The following CSRNP3 variants were observed in gnomAD, a reference collection of about 807,000 sequenced individuals.
The protein encoded by CSRNP3 is cysteine/serine-rich nuclear protein 3.
CSRNP3 carries 12 observed loss-of-function variants against 48.0 expected under a neutral mutation model. The ratio of observed to expected loss-of-function variants is 0.25; its 90% confidence interval spans 0.16 to 0.41. The LOEUF is 0.41. CSRNP3 is among the 10% of genes least tolerant of loss of function. CSRNP3 has a pLI of 1.00. For missense variants in CSRNP3, 580 were observed against 724.4 expected, an observed-to-expected ratio of 0.80 and a Z score of 2.29; for synonymous variants, 263 against 269.7, an observed-to-expected ratio of 0.98 and a Z score of 0.24.
chr2:165,491,925 A>G (rs1684215550), intron 1 of CSRNP3, among the ~76,000 whole-genome samples: 1 of 144,958 alleles, frequency 6.9e-6, no homozygotes, highest in Non-Finnish European at 1.5e-5. Flanking sequence ...CAATGTACAC[A>G]TGTACCCTAA....
intron 4 of CSRNP3, among the ~76,000 whole-genome samples, chr2:165,652,155 A>T (rs1008181759): frequency 1.3e-5 from 2 of 152,150 alleles, no homozygotes; most frequent in South Asian, 4.1e-4. Context: ...TTGTATATAG[A>T]CACTTTTGCT....
At chr2:165,619,962 G>T (rs943537781) in intron 4 of CSRNP3, among the ~76,000 whole-genome samples, 2 of 152,078 alleles carry the variant, frequency 1.3e-5, no homozygotes, top group Non-Finnish European at 2.9e-5. Flanking sequence ...GAGACGAAGG[G>T]TCTAAATCTG....
At chr2:165,573,136 T>C (rs1685397636) in intron 3 of CSRNP3, among the ~76,000 whole-genome samples, 1 of 151,838 alleles carries the variant, frequency 6.6e-6, no homozygotes, top group South Asian at 2.1e-4. Context: ...TTTTATACTT[T>C]AGTAACACAT....
At chr2:165,557,077 T>G (rs531139575) in intron 3 of CSRNP3, among the ~76,000 whole-genome samples, 1 of 152,310 alleles carries the variant, frequency 6.6e-6, no homozygotes, top group African/African-American at 2.4e-5. Context: ...GTCAGCAAAC[T>G]ATGGCCTGTT....
In CSRNP3 at chr2:165,545,513, G is replaced by T. The variant is rs1685013085; in HGVS notation, c.-24+27552G>T. 3.9e-5 allele frequency among the ~76,000 whole-genome samples: 6 copies of T among 152,066 alleles called. No individual in the cohort carries two copies. In the South Asian group the frequency reaches 1.0e-3, roughly 26 times the overall value. ...TTGTAATATACATTGACCTTGACAGGGTCATTATGAACAGTTCAAAAAGTC... is the reference window on the plus strand; with the variant it reads ...TTGTAATATACATTGACCTTGACAGTGTCATTATGAACAGTTCAAAAAGTC... On this transcript the variant is annotated intron_variant, in intron 3 of 6. Transcript: ENST00000651982.
At chr2:165,531,854 C>T (rs956842912) in intron 3 of CSRNP3, among the ~76,000 whole-genome samples, 1 of 151,930 alleles carries the variant, frequency 6.6e-6, no homozygotes, top group Non-Finnish European at 1.5e-5. Context: ...CAAATAGACG[C>T]AATAAAAAAT....
At chr2:165,552,726 A>T (rs1356640105) in intron 3 of CSRNP3, among the ~76,000 whole-genome samples, 1 of 151,262 alleles carries the variant, frequency 6.6e-6, no homozygotes, top group Non-Finnish European at 1.5e-5. Context: ...TTTGAGATGG[A>T]GTCTCACTCT....
At chr2:165,598,313 T>C (rs1685845448) in intron 4 of CSRNP3, among the ~76,000 whole-genome samples, 1 of 152,176 alleles carries the variant, frequency 6.6e-6, no homozygotes, top group African/African-American at 2.4e-5. Context: ...CAATATTTTA[T>C]CTATACTGTC....
At chr2:165,638,164 CATAA>C (rs1199305237) in intron 4 of CSRNP3, among the ~76,000 whole-genome samples, 6 of 152,110 alleles carry the variant, frequency 3.9e-5, no homozygotes, top group African/African-American at 1.4e-4. Context: ...CACATTTTGA[CATAA>C]ATCATTTTCT....
chr2:165,618,990 A>G (rs1439175295), intron 4 of CSRNP3, among the ~76,000 whole-genome samples: 1 of 152,100 alleles, frequency 6.6e-6, no homozygotes, highest in African/African-American at 2.4e-5. Context: ...TTCTTTCTTT[A>G]GGGATGGTTA....
At chr2:165,513,234 G>A (rs1302996640) in intron 2 of CSRNP3, among the ~76,000 whole-genome samples, 1 of 152,166 alleles carries the variant, frequency 6.6e-6, no homozygotes, top group African/African-American at 2.4e-5. Flanking sequence ...CTGGTTGCAG[G>A]CATATTAATT....
At chr2:165,630,528 T>C (rs756269441) in intron 4 of CSRNP3, among the ~76,000 whole-genome samples, 20 of 152,198 alleles carry the variant, frequency 1.3e-4, no homozygotes, top group Non-Finnish European at 2.6e-4. Flanking sequence ...TCGGGACCCA[T>C]GAAGGATCTT....
chr2:165,526,333 T>C (rs895795390), intron 3 of CSRNP3, among the ~76,000 whole-genome samples: 6 of 152,078 alleles, frequency 3.9e-5, no homozygotes, highest in Non-Finnish European at 8.8e-5. Flanking sequence ...ATTTCCAAAA[T>C]AAAACACTTG....
intron 4 of CSRNP3, among the ~76,000 whole-genome samples, chr2:165,621,742 T>C (rs960603630): frequency 2.6e-5 from 4 of 152,230 alleles, no homozygotes; most frequent in Admixed American, 1.3e-4. Flanking sequence ...TAAACACTTT[T>C]GTTACATTTT....
chr2:165,658,326 C>T (rs1327548150), intron 5 of CSRNP3, among the ~76,000 whole-genome samples: 1 of 151,946 alleles, frequency 6.6e-6, no homozygotes. Flanking sequence ...TCTATAGGAA[C>T]TTATAGAATA....
At chr2:165,595,602 G>A (rs541038448) in intron 4 of CSRNP3, among the ~76,000 whole-genome samples, 51 of 152,208 alleles carry the variant, frequency 3.4e-4, no homozygotes, top group African/African-American at 1.1e-3. Context: ...CATTATTAAG[G>A]AATGGAGAGT....
At chr2:165,652,083 A>G (rs1261095427) in intron 4 of CSRNP3, among the ~76,000 whole-genome samples, 1 of 152,214 alleles carries the variant, frequency 6.6e-6, no homozygotes, top group Non-Finnish European at 1.5e-5. Flanking sequence ...AGTAACACCA[A>G]TATGGCCAGA....
intron 4 of CSRNP3, among the ~76,000 whole-genome samples, chr2:165,613,637 C>T (rs1686177790): frequency 6.6e-6 from 1 of 152,144 alleles, no homozygotes; most frequent in Non-Finnish European, 1.5e-5. Context: ...TCTCACCAAA[C>T]CACTTATTGA....
chr2:165,666,560 G>A (rs1573956596), intron 5 of CSRNP3, among the ~76,000 whole-genome samples: 1 of 31,626 alleles, frequency 3.2e-5, no homozygotes, highest in Non-Finnish European at 6.6e-5. Context: ...AAAGAGAGAG[G>A]AAGAAAGAGA....
Sources: allele counts gnomAD v4.1 joint callset (sites outside exome capture counted in the v4.1 genomes callset), GRCh38; gene constraint gnomAD v4.1.1; transcripts MANE v1.5; gene names NCBI Gene and HGNC (gene_info 2026-07-23, HGNC 2026-07-21).